Variants in SLCO1B3 observed in about 807,000 individuals in gnomAD.
SLCO1B3 encodes solute carrier organic anion transporter family member 1B3, also known as liver-specific organic anion transporter 2.
Under a neutral mutation model 71.8 loss-of-function variants are expected in SLCO1B3, and 72 were observed. The ratio of observed to expected loss-of-function variants is 1.00; its 90% CI spans 0.83 to 1.22. SLCO1B3 has a LOEUF of 1.22. Among genes scored for constraint, SLCO1B3 ranks in the 50% most tolerant of loss-of-function variants. SLCO1B3 has a pLI of 0.00. For synonymous variants in SLCO1B3, 298 were observed against 278.4 expected (o/e 1.07, Z -0.70); for missense variants, 911 against 819.7 (o/e 1.11, Z -1.36).
At chr12:20,828,640 CACACAT>C (rs1188467648) in intron 3 of SLCO1B3, among the ~76,000 whole-genome samples, 5 of 116,566 alleles carry the variant, frequency 4.3e-5, no homozygotes, top group Non-Finnish European at 1.0e-4. Flanking sequence ...AAGGCACACA[CACACAT>C]ACACACACAC....
chr12:20,914,616 A>G (rs1866455417), intron 15 of SLCO1B3, among the ~76,000 whole-genome samples: 1 of 151,940 alleles, frequency 6.6e-6, no homozygotes, highest in African/African-American at 2.4e-5. Context: ...ATATTCTTCC[A>G]TCTTTATGTA....
chr12:20,853,199 C>A (rs969120130), intron 3 of SLCO1B3, among the ~76,000 whole-genome samples: 1 of 151,952 alleles, frequency 6.6e-6, no homozygotes, highest in Admixed American at 6.6e-5. Context: ...TCAATATTCA[C>A]CAGGAATATT....
At chr12:20,881,513 A>G (rs892504265) in intron 12 of SLCO1B3, among the ~76,000 whole-genome samples, 4 of 152,196 alleles carry the variant, frequency 2.6e-5, no homozygotes, top group Non-Finnish European at 4.4e-5. Flanking sequence ...GGACTTTCCA[A>G]GAAATGAGTC....
Position 20,815,832 on chromosome 12 carries a change from GT to G in SLCO1B3, c.84+14del. The G allele has an allele frequency of 6.5e-7, 1 of 1,533,106 alleles. No homozygotes were observed. Among genetic ancestry groups the G allele is most frequent in the Non-Finnish European group, 8.8e-7 (1 of 1,132,700 alleles). The allele number at this position is 1,533,106 out of a possible 1,614,324, so 95.0% of individuals were successfully genotyped here. On this transcript the variant is annotated intron_variant, in intron 3 of 15. Coordinates refer to ENST00000381545, the MANE Select transcript of SLCO1B3 (RefSeq NM_019844.4). The stretch of plus-strand genomic sequence containing the variant: ...CTGCAATGGATTCAAGGTAGAATGG[GT>G]TTTATATTTTCAAACTAAAATAAGT...
intron 3 of SLCO1B3, among the ~76,000 whole-genome samples, chr12:20,852,933 T>G (rs1307749836): frequency 6.6e-6 from 1 of 152,156 alleles, no homozygotes; most frequent in African/African-American, 2.4e-5. Flanking sequence ...TAATTTCTTT[T>G]CCTAGAACTT....
chr12:20,897,771 C>T (rs1373203981), intron 13 of SLCO1B3, among the ~76,000 whole-genome samples: 1 of 152,126 alleles, frequency 6.6e-6, no homozygotes, highest in East Asian at 1.9e-4. Flanking sequence ...AAGATAATTT[C>T]ATTTCTCTTG....
intron 13 of SLCO1B3, among the ~76,000 whole-genome samples, chr12:20,888,879 GGTAA>G (rs1041497026): frequency 2.0e-5 from 3 of 151,804 alleles, no homozygotes; most frequent in African/African-American, 7.3e-5. Flanking sequence ...TGCCTAGTTT[GGTAA>G]GTGTTTTTAT....
chr12:20,861,115 C>G lies in SLCO1B3; in HGVS notation c.458C>G (p.Thr153Arg). 1 of 1,594,972 alleles carries G rather than the reference C, an allele frequency of 6.3e-7. No individual in the cohort carries two copies. The change falls in exon 6 of 16, where the codon ACA (threonine) becomes AGA (arginine). Residue 153 changes from threonine to arginine, a missense_variant. Physicochemically the swap from Thr to Arg is moderately conservative, Grantham distance 71 (BLOSUM62 -1). Coordinates refer to ENST00000381545, the MANE Select transcript of SLCO1B3 (RefSeq NM_019844.4). ...AATCAAACCTTATCATTCAATGGAA[C>G]ATCACCTGAGATAGTAGAAAAAGGT... ...LINQTLSFNG[T>R]SPEIVEKDCV...
At chr12:20,821,388 G>A (rs899747253) in intron 3 of SLCO1B3, among the ~76,000 whole-genome samples, 4 of 152,156 alleles carry the variant, frequency 2.6e-5, no homozygotes, top group African/African-American at 9.7e-5. Context: ...GGTCAGGTGA[G>A]AGTTGAAGAG....
At chr12:20,880,706 G>T in intron 11 of SLCO1B3, 149 bp from the exon 12 acceptor site, 1 of 512,802 alleles carries the variant, frequency 2.0e-6, no homozygotes, top group Non-Finnish European at 3.2e-6. Flanking sequence ...TCTAATTAAA[G>T]GAAAACCCTT....
At chr12:20,831,859 A>C (rs1864548566) in intron 3 of SLCO1B3, among the ~76,000 whole-genome samples, 1 of 152,222 alleles carries the variant, frequency 6.6e-6, no homozygotes, top group African/African-American at 2.4e-5. Flanking sequence ...TTTGTTGAGC[A>C]CTTACTATAT....
chr12:20,827,033 G>C (rs1864438243), intron 3 of SLCO1B3, among the ~76,000 whole-genome samples: 1 of 151,900 alleles, frequency 6.6e-6, no homozygotes, highest in Non-Finnish European at 1.5e-5. Context: ...AGAACCTTAA[G>C]GTTAAATAAC....
At chr12:20,864,336 G>A (rs1022463316) in intron 8 of SLCO1B3, among the ~76,000 whole-genome samples, 7 of 151,764 alleles carry the variant, frequency 4.6e-5, no homozygotes, top group South Asian at 2.1e-4. Flanking sequence ...TGACAGAATC[G>A]TGTCTGTGTT....
intron 15 of SLCO1B3, among the ~76,000 whole-genome samples, chr12:20,911,383 G>A (rs539750311): frequency 3.9e-5 from 6 of 152,248 alleles, no homozygotes; most frequent in African/African-American, 1.4e-4. Context: ...GTATTTGTGA[G>A]ATGTATCGCT....
chr12:20,841,033 C>A (rs1256933092), intron 3 of SLCO1B3, among the ~76,000 whole-genome samples: 2 of 152,098 alleles, frequency 1.3e-5, no homozygotes, highest in Non-Finnish European at 2.9e-5. Flanking sequence ...AGTTATTAGC[C>A]CTCAGACTTG....
intron 15 of SLCO1B3, among the ~76,000 whole-genome samples, chr12:20,903,068 C>A: frequency 1.4e-5 from 1 of 73,112 alleles, no homozygotes; most frequent in African/African-American, 3.6e-5. Flanking sequence ...AGCAGGATTC[C>A]ATCTCAAAAA....
Position 20,905,758 on chromosome 12 carries a change from G to T in SLCO1B3, c.1865+4291G>T, listed in dbSNP as rs182846005. Among the ~76,000 whole-genome samples the T allele has an allele frequency of 2.0e-5, 3 of 152,314 alleles. No homozygotes were observed. The East Asian group carries it at 5.8e-4, about 29-fold the overall frequency. On this transcript the variant is annotated intron_variant, in intron 15 of 15. Transcript: ENST00000381545. ...GCATTTTGGTCAAAACCATTCAACA[G>T]TCTCTAGGAAGTTTCAATCTTTCCC...
intron 9 of SLCO1B3, among the ~76,000 whole-genome samples, chr12:20,876,093 A>T (rs1029589323): frequency 1.3e-5 from 1 of 75,780 alleles, no homozygotes; most frequent in Non-Finnish European, 4.6e-5. Flanking sequence ...TATGAATTAA[A>T]ATTATATATA....
At chr12:20,892,208 G>T (rs1184633023) in intron 13 of SLCO1B3, among the ~76,000 whole-genome samples, 2 of 151,846 alleles carry the variant, frequency 1.3e-5, no homozygotes, top group Non-Finnish European at 2.9e-5. Flanking sequence ...AATTTATTTT[G>T]TTTGAATTAG....
Sources: allele counts gnomAD v4.1 joint callset (sites outside exome capture counted in the v4.1 genomes callset), GRCh38; gene constraint gnomAD v4.1.1; transcripts MANE v1.5; gene names NCBI Gene and HGNC (gene_info 2026-07-23, HGNC 2026-07-21).